The following PKHD1 variants were observed in gnomAD, a reference collection of about 807,000 sequenced individuals.
PKHD1 encodes fibrocystin.
PKHD1 carries 291 observed loss-of-function variants against 412.0 expected under a neutral mutation model. The ratio of observed to expected loss-of-function variants is 0.71; its 90% CI spans 0.64 to 0.78. The LOEUF is 0.78. Among genes scored for constraint, PKHD1 ranks in the 30% least tolerant of loss-of-function variants. The pLI is 0.00. For missense variants in PKHD1, 4,825 were observed against 4,950.7 expected (o/e 0.97, Z 0.76); for synonymous variants, 1,777 against 1,821.5 (o/e 0.98, Z 0.62).
chr6:51,694,219 C>T lies in PKHD1; in HGVS notation c.10157-34250G>A, dbSNP rs556879689. Among the ~76,000 whole-genome samples, 21 of 152,028 alleles carry T rather than the reference C, an allele frequency of 1.4e-4. No individual in the cohort carries two copies. In the South Asian group the frequency reaches 4.4e-3, roughly 32 times the overall value. ...CAATGCCTGCAAATGTTTTCTTTCT[C>T]AGTTCCAAAAAAATTCTACTACATT... is the stretch of plus-strand genomic sequence containing the variant. On this transcript the variant is annotated intron_variant, in intron 60 of 66. Coordinates refer to ENST00000371117, the MANE Select transcript of PKHD1 (RefSeq NM_138694.4).
intron 60 of PKHD1, among the ~76,000 whole-genome samples, chr6:51,687,582 T>C (rs898589143): frequency 2.0e-5 from 3 of 152,208 alleles, no homozygotes; most frequent in Admixed American, 6.5e-5. Flanking sequence ...TGTTATCATT[T>C]GCCCTTCACA....
chr6:52,011,347 GTTTCATAT>G (rs1462852985), intron 34 of PKHD1, among the ~76,000 whole-genome samples: 1 of 152,172 alleles, frequency 6.6e-6, no homozygotes, highest in African/African-American at 2.4e-5. Context: ...AATGCATGAT[GTTTCATAT>G]TTGTCAACAA....
In PKHD1 at chr6:51,885,988, G is replaced by C; in HGVS notation, c.7110-16C>G. ...GAGACCATACCTAAAAAGTGAAACA[G>C]AATGAAATTAAGCCAATTTTTATGT... On this transcript the variant is annotated splice_polypyrimidine_tract_variant and intron_variant, in intron 44 of 66. Transcript: ENST00000371117. The C allele has an allele frequency of 6.9e-7, 1 of 1,450,228 alleles. No homozygotes were observed. The highest frequency in any genetic ancestry group is 1.7e-4 in the Middle Eastern group (1 of 5,750). 89.8% of individuals were successfully genotyped at this position (1,450,228 alleles called of 1,614,324 possible).
Position 51,934,172 on chromosome 6 carries a change from G to A in PKHD1, c.6059C>T (p.Thr2020Ile), listed in dbSNP as rs1410208410. 7.4e-6 allele frequency: 12 copies of A among 1,614,064 alleles called. No homozygotes were observed. The highest frequency in any genetic ancestry group is 1.0e-5 in the Non-Finnish European group (12 of 1,179,886). ...CTTGACTCCATAGGGAAAGAAGGGA[G>A]TTGAGTAGGAACTCCCGTAGAGTGT... is the stretch of plus-strand genomic sequence containing the variant. ...QITLYGSSYS[T>I]PFFPYGVKFL... is the part of the protein sequence containing the mutation. The change falls in exon 37 of 67, where the codon ACT becomes ATT. Residue 2020 changes from threonine (T) to isoleucine (I), a missense_variant. Physicochemically the swap from Thr to Ile is moderately conservative, Grantham distance 89. Coordinates refer to ENST00000371117, the MANE Select transcript of PKHD1 (RefSeq NM_138694.4).
intron 35 of PKHD1, among the ~76,000 whole-genome samples, chr6:52,003,078 A>T (rs1798632834): frequency 6.6e-6 from 1 of 152,212 alleles, no homozygotes; most frequent in Admixed American, 6.5e-5. Context: ...TGTAAAAGAG[A>T]TAAATTTCTT....
chr6:51,929,266 G>T (rs977786437), intron 37 of PKHD1, among the ~76,000 whole-genome samples: 65 of 152,250 alleles, frequency 4.3e-4, no homozygotes, highest in African/African-American at 1.5e-3. Context: ...GGGGAAACAG[G>T]AATCATGCAG....
At chr6:51,996,004 G>A (rs1797668079) in intron 35 of PKHD1, among the ~76,000 whole-genome samples, 1 of 150,844 alleles carries the variant, frequency 6.6e-6, no homozygotes, top group Non-Finnish European at 1.5e-5. Context: ...ATTAAAGAAC[G>A]GCAATTTTTT....
intron 60 of PKHD1, among the ~76,000 whole-genome samples, chr6:51,736,526 G>A (rs148677575): frequency 6.6e-6 from 1 of 152,230 alleles, no homozygotes; most frequent in African/African-American, 2.4e-5. Flanking sequence ...AGACTCCACT[G>A]TGCCTTTATA....
At position 51,772,763 on chromosome 6, in the gene PKHD1, T is replaced by C. The variant is rs150925674; in HGVS notation, c.8581A>G (p.Ser2861Gly). ...IGVYGKVHLY[S>G]AYPKNSWTHL... ...GTCCAGGAGTTCTTAGGATAAGCAC[T>C]GTAAAGATGAACTTTCCCATAAACC... is the stretch of plus-strand genomic sequence containing the variant. Residue 2861 changes from serine (S) to glycine (G), a missense_variant, in exon 55 of 67, where the codon AGT (serine) becomes GGT (glycine). Transcript: ENST00000371117. The C allele has an allele frequency of 3.1e-3, 4,872 of 1,595,750 alleles. 23 individuals carry two copies. Among genetic ancestry groups the C allele is most frequent in the Non-Finnish European group, 2.7e-3 (3,145 of 1,163,800 alleles).
intron 61 of PKHD1, 74 bp from the exon 62 acceptor site, chr6:51,649,294 C>G (rs1294951289): frequency 3.6e-6 from 4 of 1,097,000 alleles, no homozygotes; most frequent in Non-Finnish European, 5.6e-6. Flanking sequence ...TTTCCACAAT[C>G]CATTATTACC....
chr6:51,898,743 A>G (rs1166401677), intron 43 of PKHD1, among the ~76,000 whole-genome samples: 2 of 135,786 alleles, frequency 1.5e-5, no homozygotes, highest in African/African-American at 2.8e-5. Context: ...TTTTGAAAGG[A>G]TCAACAAAAT....
At chr6:51,885,141 G>A (rs1778011292) in intron 45 of PKHD1, among the ~76,000 whole-genome samples, 1 of 152,108 alleles carries the variant, frequency 6.6e-6, no homozygotes, top group African/African-American at 2.4e-5. Context: ...GAGACAAAGT[G>A]TATGTAATTT....
intron 52 of PKHD1, among the ~76,000 whole-genome samples, chr6:51,821,929 C>G (rs564753515): frequency 2.6e-4 from 39 of 152,138 alleles, no homozygotes; most frequent in African/African-American, 9.4e-4. Flanking sequence ...TCAAGTGATC[C>G]GCCTGCCTCG....
intron 45 of PKHD1, among the ~76,000 whole-genome samples, chr6:51,884,372 T>C (rs1777873662): frequency 6.6e-6 from 1 of 152,202 alleles, no homozygotes; most frequent in African/African-American, 2.4e-5. Context: ...TTCTATTTCA[T>C]TGACATATAT....
intron 60 of PKHD1, among the ~76,000 whole-genome samples, chr6:51,717,200 T>A (rs148398753): frequency 1.5e-3 from 222 of 152,274 alleles, no homozygotes; most frequent in African/African-American, 5.1e-3. Context: ...TCACTTGAGG[T>A]CAAGAGTTCG....
chr6:51,900,051 A>T (rs1303427753), intron 43 of PKHD1, among the ~76,000 whole-genome samples: 3 of 152,188 alleles, frequency 2.0e-5, no homozygotes, highest in Non-Finnish European at 2.9e-5. Context: ...TTCCATGCTC[A>T]TGGGTAGGAA....
chr6:52,025,784 G>A lies in PKHD1; in HGVS notation c.4026C>T (p.Ser1342=). The change falls in exon 32 of 67, where the codon TCC becomes TCT. Residue 1342 remains serine (S), a synonymous_variant. Transcript: ENST00000371117. ...CAGACAGGCTCACGTTGCCCTGGAA[G>A]GACTGTGTCTCAACATCACAGTTCA... ...GNLNCDVETQ[S]FQGNVSLSGC... is the part of the protein sequence containing the mutation. 1 of 1,614,190 alleles carries A rather than the reference G, an allele frequency of 6.2e-7. No individual in the cohort carries two copies. Among genetic ancestry groups the A allele is most frequent in the Non-Finnish European group, 8.5e-7 (1 of 1,180,020 alleles).
chr6:51,980,314 C>T (rs1250135942), intron 35 of PKHD1, among the ~76,000 whole-genome samples: 1 of 152,112 alleles, frequency 6.6e-6, no homozygotes, highest in Non-Finnish European at 1.5e-5. Context: ...ACCATGTCTG[C>T]CAGCAGAATG....
chr6:51,627,090 A>G lies in PKHD1; in HGVS notation c.11692T>C (p.Ser3898Pro), dbSNP rs1229307573. 6.8e-6 allele frequency: 11 copies of G among 1,611,476 alleles called. No individual in the cohort carries two copies. The highest frequency in any genetic ancestry group is 8.5e-6 in the Non-Finnish European group (10 of 1,177,770). ...TGAATATTTTGATTATTAGTCTGGG[A>G]TTCAGGAATCTCTTCAGGTTTTGTT... ...RKTKPEEIPE[S>P]QTNNQNIHIH... is the part of the protein sequence containing the mutation. The change falls in exon 66 of 67, where the codon TCC becomes CCC. Residue 3898 changes from serine to proline, a missense_variant. Coordinates refer to ENST00000371117, the MANE Select transcript of PKHD1 (RefSeq NM_138694.4).
Sources: allele counts gnomAD v4.1 joint callset (sites outside exome capture counted in the v4.1 genomes callset), GRCh38; gene constraint gnomAD v4.1.1; transcripts MANE v1.5; gene names NCBI Gene and HGNC (gene_info 2026-07-23, HGNC 2026-07-21).